PTPRZ1: variants seen among roughly 807,000 people sequenced by gnomAD.
PTPRZ1 encodes the protein protein tyrosine phosphatase receptor type Z1.
In PTPRZ1, 82 loss-of-function variants were observed where a neutral mutation model predicts 214.1. The ratio of observed to expected loss-of-function variants is 0.38; its 90% confidence interval spans 0.32 to 0.46. The LOEUF (loss-of-function observed/expected upper bound fraction) is 0.46. Ranked by LOEUF, PTPRZ1 falls within the 20% of genes least tolerant of loss-of-function variation. The pLI, the probability that PTPRZ1 is intolerant of heterozygous loss-of-function variation, is 1.00. For missense variants in PTPRZ1, 2,603 were observed against 2,748.7 expected (o/e 0.95, Z 1.19); for synonymous variants, 945 against 987.9 (o/e 0.96, Z 0.81).
At chr7:121,976,134 T>A in intron 4 of PTPRZ1, 39 bp from the exon 5 acceptor site, 1 of 1,370,450 alleles carries the variant, frequency 7.3e-7, no homozygotes, top group Non-Finnish European at 1.0e-6. Flanking sequence ...TTTTATGAAG[T>A]CTTTGTGTAT....
intron 27 of PTPRZ1, among the ~76,000 whole-genome samples, chr7:122,055,730 C>T (rs1368191142): frequency 6.6e-6 from 1 of 151,804 alleles, no homozygotes; most frequent in African/African-American, 2.4e-5. Flanking sequence ...TGATTATTTA[C>T]ATAGAACTAT....
intron 12 of PTPRZ1, among the ~76,000 whole-genome samples, chr7:122,017,185 A>G (rs1798867361): frequency 6.6e-6 from 1 of 152,146 alleles, no homozygotes; most frequent in East Asian, 1.9e-4. Context: ...AATAGAAAAA[A>G]CTGTGAAGAC....
intron 1 of PTPRZ1, among the ~76,000 whole-genome samples, chr7:121,884,429 A>T (rs1227748901): frequency 6.6e-6 from 1 of 152,122 alleles, no homozygotes; most frequent in Non-Finnish European, 1.5e-5. Context: ...CTAAAAACTG[A>T]TACTGCTTTA....
intron 13 of PTPRZ1, among the ~76,000 whole-genome samples, chr7:122,026,058 C>A (rs956641878): frequency 2.6e-5 from 4 of 152,044 alleles, no homozygotes; most frequent in African/African-American, 9.7e-5. Context: ...TAGATATGAA[C>A]CCGTTAGAGC....
intron 1 of PTPRZ1, among the ~76,000 whole-genome samples, chr7:121,920,202 C>T (rs1795550339): frequency 6.6e-6 from 1 of 152,032 alleles, no homozygotes; most frequent in African/African-American, 2.4e-5. Flanking sequence ...CCTGAGTGAC[C>T]CCAATCAGAA....
At chr7:121,984,311 A>C (rs1797705280) in intron 8 of PTPRZ1, among the ~76,000 whole-genome samples, 194 bp downstream of exon 8, 1 of 152,224 alleles carries the variant, frequency 6.6e-6, no homozygotes, top group Admixed American at 6.5e-5. Context: ...AAAAAAATCT[A>C]TTCTTCCCAT....
intron 2 of PTPRZ1, among the ~76,000 whole-genome samples, chr7:121,944,488 G>A (rs1290727225): frequency 6.6e-6 from 1 of 151,960 alleles, no homozygotes; most frequent in African/African-American, 2.4e-5. Flanking sequence ...TTTAAAATAG[G>A]ATCTGAATAT....
chr7:121,919,805 T>C (rs1795537579), intron 1 of PTPRZ1, among the ~76,000 whole-genome samples: 2 of 60,904 alleles, frequency 3.3e-5, no homozygotes, highest in South Asian at 1.1e-3. Context: ...TTTCTATTGA[T>C]CTGTCTATCA....
At chr7:122,049,958 T>C (rs1022768318) in intron 23 of PTPRZ1, among the ~76,000 whole-genome samples, 2 of 152,202 alleles carry the variant, frequency 1.3e-5, no homozygotes, top group South Asian at 4.1e-4. Flanking sequence ...ATCTGTTATG[T>C]GGTAGAGTTA....
chr7:122,034,507 T>G (rs1562874276), intron 17 of PTPRZ1, 129 bp downstream of exon 17: 1 of 705,754 alleles, frequency 1.4e-6, no homozygotes, highest in Admixed American at 2.6e-5. Context: ...CAGGGAATAA[T>G]AAGACTTGTG....
Position 122,053,984 on chromosome 7 carries a change from G to T in PTPRZ1, c.6327G>T (p.Met2109Ile), listed in dbSNP as rs1353817037. The change falls in exon 26 of 30, where the codon ATG (methionine) becomes ATT (isoleucine). Residue 2109 changes from methionine (M) to isoleucine (I), a missense_variant. Around this residue, in one of 6 missense-constraint regions of PTPRZ1, gnomAD observed 134 missense variants for 183.3 expected, o/e 0.73. Coordinates refer to ENST00000393386, the MANE Select transcript of PTPRZ1 (RefSeq NM_002851.3). The stretch of plus-strand genomic sequence containing the variant: ...ATACCATCAAGGATTTCTGGAGGAT[G>T]ATATGGGACCATAATGCCCAACTGG... ...LLHTIKDFWR[M>I]IWDHNAQLVV... The T allele has an allele frequency of 5.0e-6, 8 of 1,613,336 alleles. No individual in the cohort carries two copies. Among genetic ancestry groups the T allele is most frequent in the Non-Finnish European group, 6.8e-6 (8 of 1,179,444 alleles).
intron 2 of PTPRZ1, among the ~76,000 whole-genome samples, chr7:121,935,193 T>C (rs1796040384): frequency 6.6e-6 from 1 of 152,222 alleles, no homozygotes; most frequent in Non-Finnish European, 1.5e-5. Context: ...GGCTACAGAA[T>C]AGCATCGCAA....
chr7:121,933,681 A>G (rs185545712), intron 2 of PTPRZ1, among the ~76,000 whole-genome samples: 141 of 152,268 alleles, frequency 9.3e-4, no homozygotes, highest in Non-Finnish European at 1.6e-3. Context: ...TACTTATAGA[A>G]AACAAAAAGG....
intron 1 of PTPRZ1, among the ~76,000 whole-genome samples, chr7:121,924,867 C>T (rs911925394): frequency 3.9e-5 from 6 of 152,170 alleles, no homozygotes; most frequent in African/African-American, 1.4e-4. Context: ...AATTGATTGC[C>T]AGGTTAAATC....
intron 10 of PTPRZ1, among the ~76,000 whole-genome samples, chr7:122,003,728 A>G (rs2116632975): frequency 6.6e-6 from 1 of 152,224 alleles, no homozygotes; most frequent in East Asian, 1.9e-4. Flanking sequence ...TTTGTCTACC[A>G]TTTTCCTAAT....
Position 121,965,035 on chromosome 7 carries a change from C to G in PTPRZ1, c.125-2916C>G, listed in dbSNP as rs538538772. On this transcript the variant is annotated intron_variant, in intron 2 of 29. Coordinates refer to ENST00000393386, the MANE Select transcript of PTPRZ1 (RefSeq NM_002851.3). ...TGAGTGAGATGAAATAGCATTGTAGCCAAGGAGTAATGTGATCTGGCATAT... is the reference window on the plus strand; with the variant it reads ...TGAGTGAGATGAAATAGCATTGTAGGCAAGGAGTAATGTGATCTGGCATAT... Among the ~76,000 whole-genome samples, 7 of 152,242 alleles carry G rather than the reference C, an allele frequency of 4.6e-5. No homozygotes were observed. The East Asian group carries it at 9.6e-4, about 21-fold the overall frequency.
rs556107955 is a variant in PTPRZ1, at chr7:121,937,038, C to T, written c.124+8817C>T. Among the ~76,000 whole-genome samples the T allele has an allele frequency of 6.0e-4, 92 of 152,288 alleles. 1 individual carries two copies. In the South Asian group the frequency reaches 0.018, roughly 30 times the overall value. ...GCTGGATGCAGAGGATCTTGGAGAT[C>T]GTCTGTGGCCCTTACTACACCAGCA... On this transcript the variant is annotated intron_variant, in intron 2 of 29. Coordinates refer to ENST00000393386, the MANE Select transcript of PTPRZ1 (RefSeq NM_002851.3).
intron 20 of PTPRZ1, 36 bp from the exon 21 acceptor site, chr7:122,040,767 TGTGTGTGTGTGTG>T: frequency 9.2e-7 from 1 of 1,081,988 alleles, no homozygotes. Flanking sequence ...TGTGTGTGTG[TGTGTGTGTGTGTG>T]TGTTTGACTG....
Position 122,039,546 on chromosome 7 carries a change from T to C in PTPRZ1, c.5595T>C (p.Tyr1865=), listed in dbSNP as rs1799651976. ...TQKSVQVLAY[Y]TVRNFTLRNT... is the part of the protein sequence containing the mutation. ...AGAGTGTGCAAGTGCTTGCCTATTA[T>C]ACTGTGAGGAATTTTACTCTAAGAA... The change falls in exon 20 of 30, where the codon TAT becomes TAC. Residue 1865 remains tyrosine, a synonymous_variant. Transcript: ENST00000393386. The C allele has an allele frequency of 5.0e-6, 8 of 1,613,984 alleles. No homozygotes were observed. Among genetic ancestry groups the C allele is most frequent in the South Asian group, 1.1e-5 (1 of 91,064 alleles).
Sources: allele counts gnomAD v4.1 joint callset (sites outside exome capture counted in the v4.1 genomes callset), GRCh38; gene constraint gnomAD v4.1.1; regional missense constraint gnomAD v4.1.1; transcripts MANE v1.5; gene names NCBI Gene and HGNC (gene_info 2026-07-23, HGNC 2026-07-21).